The following MYO9A variants were observed in gnomAD, a reference collection of about 807,000 sequenced individuals.
MYO9A encodes the protein unconventional myosin-IXa.
MYO9A carries 103 observed loss-of-function variants against 293.3 expected under a neutral mutation model. The observed-to-expected ratio is 0.35, with a 90% CI of 0.30 to 0.41. The LOEUF is 0.41. Among genes scored for constraint, MYO9A ranks in the 10% least tolerant of loss-of-function variants. The pLI, the probability that MYO9A is intolerant of heterozygous loss-of-function variation, is 1.00. For missense variants in MYO9A, 2,685 were observed against 3,033.0 expected (o/e 0.89, Z 2.69); for synonymous variants, 1,001 against 1,035.7 (o/e 0.97, Z 0.64).
intron 2 of MYO9A, among the ~76,000 whole-genome samples, chr15:72,043,451 G>A (rs1378252610): frequency 6.6e-6 from 1 of 152,100 alleles, no homozygotes; most frequent in African/African-American, 2.4e-5. Context: ...ATCCATCAAT[G>A]AGTGAACAGA....
At position 71,938,962 on chromosome 15, in the gene MYO9A, A is replaced by G. The variant is rs767949880; in HGVS notation, c.2303-35T>C. The G allele has an allele frequency of 2.6e-5, 39 of 1,499,640 alleles. No homozygotes were observed. The Admixed American group carries it at 7.7e-4, about 30-fold the overall frequency. 92.9% of individuals were successfully genotyped at this position (1,499,640 alleles called of 1,614,324 possible). On this transcript the variant is annotated intron_variant, in intron 15 of 41. Coordinates refer to ENST00000356056, the MANE Select transcript of MYO9A (RefSeq NM_006901.4). ...TTTAAAAAACAGAAAATTTCAAATC[A>G]GTGCAAAGAAAAATGAAACGTGAAA...
rs1295160519 is a variant in MYO9A, at chr15:72,046,443, T to G, written c.121A>C (p.Thr41Pro). The G allele has an allele frequency of 6.2e-7, 1 of 1,614,228 alleles. No individual in the cohort carries two copies. The change falls in exon 2 of 42, where the codon ACA becomes CCA. Residue 41 changes from threonine to proline, a missense_variant. Around this residue, in one of 10 missense-constraint regions of MYO9A, gnomAD observed 67 missense variants for 63.2 expected, o/e 1.06. Coordinates refer to ENST00000356056, the MANE Select transcript of MYO9A (RefSeq NM_006901.4). ...YCPIPARKNS[T>P]AAEVIESLIN... Reference sequence around the variant, plus strand: ...AGAGACTCAATCACCTCAGCAGCTGTGGAGTTTTTTCTGGCAGGAATCGGA... The same window carrying G: ...AGAGACTCAATCACCTCAGCAGCTGGGGAGTTTTTTCTGGCAGGAATCGGA...
chr15:72,032,271 CAT>C (rs1161680415), intron 3 of MYO9A, among the ~76,000 whole-genome samples: 1 of 152,106 alleles, frequency 6.6e-6, no homozygotes, highest in African/African-American at 2.4e-5. Context: ...AAATGCAACA[CAT>C]TGACAACAAT....
chr15:72,110,215 T>G (rs1002409207), intron 1 of MYO9A, among the ~76,000 whole-genome samples: 16 of 150,628 alleles, frequency 1.1e-4, no homozygotes, highest in African/African-American at 3.2e-4. Context: ...GCAGGTAGAT[T>G]ACCTGAGGTC....
At chr15:71,987,007 C>A (rs138994111) in intron 11 of MYO9A, among the ~76,000 whole-genome samples, 128 of 152,148 alleles carry the variant, frequency 8.4e-4, no homozygotes, top group Admixed American at 7.3e-3. Flanking sequence ...TATTTTTTAT[C>A]TTTTATATTG....
chr15:72,053,965 T>C lies in MYO9A; in HGVS notation c.-71-7331A>G, dbSNP rs560779534. ...TTAAAGCTAAATACAACAGTAATTA[T>C]ATTATATTACATGTAAATGCTCCAG... On this transcript the variant is annotated intron_variant, in intron 1 of 41. Coordinates refer to ENST00000356056, the MANE Select transcript of MYO9A (RefSeq NM_006901.4). 7.2e-5 allele frequency among the ~76,000 whole-genome samples: 11 copies of C among 152,314 alleles called. No homozygotes were observed. The South Asian group carries it at 2.1e-3, about 29-fold the overall frequency.
chr15:72,061,596 CCTT>C (rs2078881142), intron 1 of MYO9A, among the ~76,000 whole-genome samples: 7 of 152,046 alleles, frequency 4.6e-5, no homozygotes, highest in Admixed American at 4.6e-4. Context: ...GGGAGAGACT[CCTT>C]CTGCCTACGG....
intron 1 of MYO9A, among the ~76,000 whole-genome samples, chr15:72,052,020 C>G (rs1566987400): frequency 6.6e-6 from 1 of 152,196 alleles, no homozygotes; most frequent in East Asian, 1.9e-4. Context: ...CCAATCAGTA[C>G]ACACACCCTC....
At chr15:71,933,583 G>A in intron 18 of MYO9A, 87 bp downstream of exon 18, 2 of 1,223,966 alleles carry the variant, frequency 1.6e-6, no homozygotes, top group Non-Finnish European at 1.2e-6. Context: ...GTTATTTCTT[G>A]TTTTTTGATG....
chr15:71,894,642 G>C (rs1253795951), intron 25 of MYO9A, among the ~76,000 whole-genome samples: 1 of 152,108 alleles, frequency 6.6e-6, no homozygotes, highest in African/African-American at 2.4e-5. Flanking sequence ...AACACTGGCA[G>C]GGTAAGAAAT....
At chr15:71,920,556 T>C (rs893092673) in intron 18 of MYO9A, among the ~76,000 whole-genome samples, 5 of 152,238 alleles carry the variant, frequency 3.3e-5, no homozygotes, top group Non-Finnish European at 7.3e-5. Context: ...TATATTTCTT[T>C]TGTTTATAAA....
chr15:72,056,880 C>T (rs1278140405), intron 1 of MYO9A, among the ~76,000 whole-genome samples: 2 of 152,110 alleles, frequency 1.3e-5, no homozygotes, highest in East Asian at 1.9e-4. Context: ...GAGGCTGAGG[C>T]GGGCGGATCA....
intron 39 of MYO9A, among the ~76,000 whole-genome samples, chr15:71,837,000 G>GT (rs1353150341): frequency 6.6e-6 from 1 of 151,944 alleles, no homozygotes; most frequent in Non-Finnish European, 1.5e-5. Flanking sequence ...TATGTGTTTT[G>GT]TTGTTATGTA....
Position 71,880,382 on chromosome 15 carries a change from C to G in MYO9A, c.5575G>C (p.Ala1859Pro). The change falls in exon 29 of 42, where the codon GCA (alanine) becomes CCA (proline). Residue 1859 changes from alanine (A) to proline (P), a missense_variant. Ala to Pro is a conservative substitution (Grantham distance 27, BLOSUM62 -1). Transcript: ENST00000356056. ...HWQNDSVQII[A>P]SVSDLKSMDE... is the part of the protein sequence containing the mutation. ...ATGCTTTTTAAATCACTGACACTTG[C>G]TATGATCTGGACAGAGTCATTTTGC... The G allele has an allele frequency of 6.2e-7, 1 of 1,614,226 alleles. No individual in the cohort carries two copies.
chr15:72,076,922 C>T (rs2079371143), intron 1 of MYO9A, among the ~76,000 whole-genome samples: 1 of 151,836 alleles, frequency 6.6e-6, no homozygotes, highest in Non-Finnish European at 1.5e-5. Flanking sequence ...AACAGACCCA[C>T]ACAAATATAG....
At chr15:71,832,862 A>T (rs771969875) in intron 39 of MYO9A, among the ~76,000 whole-genome samples, 1 of 152,218 alleles carries the variant, frequency 6.6e-6, no homozygotes, top group Non-Finnish European at 1.5e-5. Context: ...GAACAAAATC[A>T]TATCACAGTA....
chr15:71,997,249 T>C (rs1454078020), intron 9 of MYO9A, among the ~76,000 whole-genome samples: 1 of 152,148 alleles, frequency 6.6e-6, no homozygotes, highest in Non-Finnish European at 1.5e-5. Flanking sequence ...CTGTTCCCCA[T>C]AGTACCCCTA....
intron 18 of MYO9A, among the ~76,000 whole-genome samples, 179 bp downstream of exon 18, chr15:71,933,491 T>G (rs934801707): frequency 2.0e-5 from 3 of 152,098 alleles, no homozygotes; most frequent in Non-Finnish European, 4.4e-5. Context: ...ACCTGAACCA[T>G]TAGGCTCAGC....
chr15:71,882,293 T>C (rs2056896609), intron 28 of MYO9A, among the ~76,000 whole-genome samples: 1 of 152,244 alleles, frequency 6.6e-6, no homozygotes, highest in South Asian at 2.1e-4. Flanking sequence ...TTGGTATCTT[T>C]ACGTAGTAGC....
Sources: gnomAD v4.1 joint callset for allele counts (sites outside exome capture counted in the v4.1 genomes callset) on GRCh38, gnomAD v4.1.1 for gene constraint, gnomAD v4.1.1 regional missense constraint, MANE v1.5 for transcripts, NCBI Gene and HGNC (gene_info 2026-07-23, HGNC 2026-07-21) for gene names.